Variants in TENT5D observed in about 807,000 individuals in gnomAD.
TENT5D encodes cancer/testis antigen 112.
For synonymous variants in TENT5D, 103 were observed against 100.6 expected (o/e 1.02, Z -0.15); for missense variants, 191 against 287.0 (o/e 0.67, Z 2.42).
chrX:80,443,835 G>T (rs1284410064), exon 3 of TENT5D: 1 of 625,309 alleles, frequency 1.6e-6, no homozygotes, highest in Non-Finnish European at 2.4e-6. Flanking sequence ...AATTACAGTT[G>T]ATGGAATAGT....
At chrX:80,337,156 A>G (rs1486491871) in intron 2 of TENT5D, among the ~76,000 whole-genome samples, 1 of 112,047 alleles carries the variant, frequency 8.9e-6, no homozygotes, top group African/African-American at 3.2e-5. Flanking sequence ...TTAAAGTAAA[A>G]CTTTTTATTA....
intron 3 of TENT5D, among the ~76,000 whole-genome samples, chrX:80,358,726 A>G (rs986104141): frequency 8.9e-6 from 1 of 112,090 alleles, no homozygotes; most frequent in African/African-American, 3.2e-5. Flanking sequence ...ACAGCTCAAT[A>G]TAAGAAGGAA....
Position 80,405,892 on chromosome X carries a change from G to A in TENT5D, c.-141-32718G>A, listed in dbSNP as rs1294727284. Among the ~76,000 whole-genome samples the A allele has an allele frequency of 2.7e-5, 3 of 110,708 alleles. No homozygotes were observed. The Admixed American group carries it at 2.9e-4, about 11-fold the overall frequency. ...AGAGCAGTGGTTCTCCCAGCACGCA[G>A]CTGAAGATCTGAGAACGGGCAGACT... is the stretch of plus-strand genomic sequence containing the variant. On this transcript the variant is annotated intron_variant, in intron 3 of 4. Coordinates refer to the TENT5D transcript ENST00000538312.
chrX:80,419,499 C>G (rs769327539), upstream of TENT5D, among the ~76,000 whole-genome samples: 1 of 112,110 alleles, frequency 8.9e-6, no homozygotes, highest in Non-Finnish European at 1.9e-5. Context: ...ACATGGATCA[C>G]TGGCTTAGCC....
chrX:80,404,397 C>T (rs767517938), intron 3 of TENT5D, among the ~76,000 whole-genome samples: 1 of 111,503 alleles, frequency 9.0e-6, no homozygotes, highest in South Asian at 3.8e-4. Context: ...ATATAATTTC[C>T]ATAAACCGGT....
At chrX:80,396,974 C>T (rs1164362208) in intron 3 of TENT5D, among the ~76,000 whole-genome samples, 3 of 71,309 alleles carry the variant, frequency 4.2e-5, no homozygotes, top group East Asian at 5.4e-4. Flanking sequence ...CCAGTAGGGG[C>T]GGCTGGGCAG....
In TENT5D at chrX:80,398,268, G is replaced by C. The variant is rs141576094; in HGVS notation, c.-141-40342G>C. 1.6e-4 allele frequency among the ~76,000 whole-genome samples: 18 copies of C among 111,775 alleles called. No homozygotes were observed. The East Asian group carries it at 4.8e-3, about 30-fold the overall frequency. ...GTCCATTTTTTTTGTTTGCTGTTGAGATATTTGAGTTCATTATATATTCTG... is the reference window on the plus strand; with the variant it reads ...GTCCATTTTTTTTGTTTGCTGTTGACATATTTGAGTTCATTATATATTCTG... On this transcript the variant is annotated intron_variant, in intron 3 of 4. Transcript: ENST00000538312.
chrX:80,397,711 G>A (rs913073133), intron 3 of TENT5D, among the ~76,000 whole-genome samples: 1 of 112,738 alleles, frequency 8.9e-6, no homozygotes, highest in African/African-American at 3.2e-5. Context: ...CGGATCACTC[G>A]CGGTTAGGAG....
chrX:80,412,673 A>G (rs1308672204), intron 3 of TENT5D, among the ~76,000 whole-genome samples: 6 of 111,509 alleles, frequency 5.4e-5, no homozygotes, highest in Non-Finnish European at 1.1e-4. Context: ...ACATAATAAG[A>G]GTCACCTTTT....
chrX:80,350,580 G>A (rs368316220), intron 3 of TENT5D, among the ~76,000 whole-genome samples: 52 of 110,904 alleles, frequency 4.7e-4, no homozygotes, highest in African/African-American at 1.5e-3. Flanking sequence ...ATAGCACACC[G>A]ATGGGTCTTG....
chrX:80,410,662 C>G (rs1373898044), intron 3 of TENT5D, among the ~76,000 whole-genome samples: 1 of 102,687 alleles, frequency 9.7e-6, no homozygotes, highest in Non-Finnish European at 2.0e-5. Flanking sequence ...TAAACTAGTT[C>G]AACCATTGTG....
At chrX:80,434,259 A>G (rs1932141670) in intron 1 of TENT5D, among the ~76,000 whole-genome samples, 1 of 110,402 alleles carries the variant, frequency 9.1e-6, no homozygotes, top group Non-Finnish European at 1.9e-5. Context: ...CATGGAAAGT[A>G]TATGCCTGCC....
intron 3 of TENT5D, among the ~76,000 whole-genome samples, chrX:80,346,257 G>T (rs1435661710): frequency 8.9e-6 from 1 of 112,023 alleles, no homozygotes; most frequent in Non-Finnish European, 1.9e-5. Flanking sequence ...TACCAAGTTT[G>T]TTTGTCCATA....
At chrX:80,347,275 C>T (rs1468388614) in intron 3 of TENT5D, among the ~76,000 whole-genome samples, 1 of 111,667 alleles carries the variant, frequency 9.0e-6, no homozygotes, top group Non-Finnish European at 1.9e-5. Context: ...AATGGTTGAA[C>T]TAATTTACAC....
chrX:80,339,973 A>G (rs1254555491), intron 2 of TENT5D, among the ~76,000 whole-genome samples: 1 of 109,714 alleles, frequency 9.1e-6, no homozygotes, highest in Non-Finnish European at 1.9e-5. Flanking sequence ...CTTTGACAGG[A>G]AACCTTTTCA....
rs1011835567 is a variant in TENT5D, at chrX:80,438,607, C to A, written c.-141-3C>A. On this transcript the variant is annotated splice_region_variant and splice_polypyrimidine_tract_variant and intron_variant, in intron 1 of 2. Coordinates refer to ENST00000308293, the Ensembl canonical transcript of TENT5D. ...CTTTATTTTTGCTTTTATTATCTTG[C>A]AGTTTTTCTGGTTGGTGTATTACTT... The A allele has an allele frequency of 9.2e-6, 1 of 109,228 alleles. No homozygotes were observed. The highest frequency in any genetic ancestry group is 1.9e-5 in the Non-Finnish European group (1 of 52,166). The allele number at this position is 109,228 out of a possible 1,213,427, so 9.0% of individuals were successfully genotyped here.
intron 1 of TENT5D, among the ~76,000 whole-genome samples, chrX:80,430,936 C>T (rs1476563865): frequency 2.7e-5 from 3 of 111,099 alleles, no homozygotes; most frequent in Non-Finnish European, 5.7e-5. Context: ...CCAAGATACC[C>T]TAGGGGCCTG....
intron 3 of TENT5D, among the ~76,000 whole-genome samples, chrX:80,374,046 C>T (rs767450430): frequency 3.1e-4 from 34 of 110,967 alleles, no homozygotes; most frequent in Admixed American, 4.8e-4. Context: ...CCTATGTGTC[C>T]ATTTGTTCTC....
intron 3 of TENT5D, among the ~76,000 whole-genome samples, chrX:80,414,614 A>G (rs1391430427): frequency 8.9e-6 from 1 of 112,019 alleles, no homozygotes; most frequent in Non-Finnish European, 1.9e-5. Flanking sequence ...GGACAACTCA[A>G]AGTAGGTGTT....
Sources: gnomAD v4.1 joint callset for allele counts (sites outside exome capture counted in the v4.1 genomes callset) on GRCh38, gnomAD v4.1.1 for gene constraint, MANE v1.5 for transcripts, NCBI Gene and HGNC (gene_info 2026-07-23, HGNC 2026-07-21) for gene names.